The following DCC variants were observed in gnomAD, a reference collection of about 807,000 sequenced individuals.
DCC encodes the protein netrin receptor DCC.
Under a neutral mutation model 172.5 loss-of-function variants are expected in DCC, and 58 were observed. That is an observed-to-expected ratio of 0.34 (90% CI 0.27 to 0.42). The LOEUF (loss-of-function observed/expected upper bound fraction) is 0.42. DCC is among the 10% of genes least tolerant of loss of function. The probability of loss-of-function intolerance (pLI) is 1.00; values close to 1 mark genes in which losing one functional copy is unlikely to be tolerated. For synonymous variants in DCC, 709 were observed against 644.5 expected (o/e 1.10, Z -1.52); for missense variants, 1,740 against 1,791.0 (o/e 0.97, Z 0.51).
intron 21 of DCC, among the ~76,000 whole-genome samples, chr18:53,420,336 ACT>A (rs2145076408): frequency 6.6e-6 from 1 of 152,168 alleles, no homozygotes; most frequent in African/African-American, 2.4e-5. Flanking sequence ...AAGGGAAATA[ACT>A]CTCAATCTGA....
intron 3 of DCC, among the ~76,000 whole-genome samples, chr18:52,917,379 A>G (rs2040058419): frequency 1.3e-5 from 2 of 152,164 alleles, no homozygotes; most frequent in African/African-American, 4.8e-5. Flanking sequence ...GATTTTTAGT[A>G]TGGAATGTAT....
chr18:52,704,178 T>G, intron 1 of DCC, among the ~76,000 whole-genome samples: 1 of 152,016 alleles, frequency 6.6e-6, no homozygotes, highest in East Asian at 1.9e-4. Flanking sequence ...CACATAAAAC[T>G]TCCAACCTTT....
At chr18:53,286,424 A>T (rs1227397409) in intron 12 of DCC, among the ~76,000 whole-genome samples, 1 of 152,130 alleles carries the variant, frequency 6.6e-6, no homozygotes, top group East Asian at 1.9e-4. Context: ...CCATCATGAG[A>T]TATGTGCCTT....
chr18:53,077,556 A>G (rs983010228), intron 7 of DCC, among the ~76,000 whole-genome samples: 1 of 152,078 alleles, frequency 6.6e-6, no homozygotes, highest in Admixed American at 6.6e-5. Flanking sequence ...CTGACCTTAT[A>G]ACTTGGTGCA....
chr18:53,385,765 C>T (rs528299595), intron 15 of DCC, among the ~76,000 whole-genome samples: 19 of 152,154 alleles, frequency 1.2e-4, no homozygotes, highest in African/African-American at 2.4e-4. Context: ...TATTAGGGTT[C>T]GAGGGCACAC....
chr18:52,356,242 A>T (rs1961678), intron 1 of DCC, among the ~76,000 whole-genome samples: 7,109 of 152,226 alleles, frequency 0.047, 208 homozygotes, highest in Middle Eastern at 0.088. Context: ...GCCATCACAC[A>T]CTGCATTTTG....
At chr18:53,507,489 T>C (rs2046195361) in intron 27 of DCC, among the ~76,000 whole-genome samples, 1 of 152,220 alleles carries the variant, frequency 6.6e-6, no homozygotes, top group African/African-American at 2.4e-5. Context: ...AGGTGTCATG[T>C]TAAACATCTT....
chr18:53,410,691 T>A (rs2145055129), intron 20 of DCC, 45 bp downstream of exon 20: 1 of 1,233,040 alleles, frequency 8.1e-7, no homozygotes, highest in African/African-American at 1.5e-5. Context: ...TGTGGGATTG[T>A]TATAAAATAG....
chr18:52,706,984 G>A (rs552456075), intron 1 of DCC, among the ~76,000 whole-genome samples: 3 of 152,282 alleles, frequency 2.0e-5, no homozygotes, highest in East Asian at 1.9e-4. Flanking sequence ...AAATGATGCA[G>A]AGGGATGGAG....
intron 1 of DCC, among the ~76,000 whole-genome samples, chr18:52,671,584 G>T (rs77648446): frequency 1.5e-5 from 2 of 130,248 alleles, no homozygotes; most frequent in Non-Finnish European, 3.1e-5. Context: ...CACCCACCCC[G>T]GCTGGAGCAC....
At chr18:52,364,673 T>G (rs141175838) in intron 1 of DCC, among the ~76,000 whole-genome samples, 21 of 152,348 alleles carry the variant, frequency 1.4e-4, no homozygotes, top group African/African-American at 4.6e-4. Context: ...AAATTATTTT[T>G]GGATTAGTTA....
chr18:52,841,391 C>T (rs2038803700), intron 2 of DCC, among the ~76,000 whole-genome samples: 1 of 152,032 alleles, frequency 6.6e-6, no homozygotes, highest in Non-Finnish European at 1.5e-5. Context: ...AGACATTGAC[C>T]TTGAACTTGC....
intron 7 of DCC, among the ~76,000 whole-genome samples, chr18:53,079,292 T>C (rs1281911267): frequency 6.6e-6 from 1 of 152,004 alleles, no homozygotes; most frequent in African/African-American, 2.4e-5. Context: ...TGCTTTCTTG[T>C]TATACTTGAG....
intron 2 of DCC, among the ~76,000 whole-genome samples, chr18:52,855,585 T>G (rs544196649): frequency 6.6e-6 from 1 of 152,262 alleles, no homozygotes; most frequent in African/African-American, 2.4e-5. Context: ...GGCAAAATGC[T>G]CATGATCCAC....
chr18:53,027,449 T>C (rs1406301493), intron 5 of DCC, among the ~76,000 whole-genome samples: 3 of 152,156 alleles, frequency 2.0e-5, no homozygotes, highest in Admixed American at 2.0e-4. Context: ...GCTCTAAATG[T>C]CATTCGGAGA....
intron 14 of DCC, among the ~76,000 whole-genome samples, chr18:53,335,659 G>T (rs376586769): frequency 6.6e-6 from 1 of 152,244 alleles, no homozygotes; most frequent in South Asian, 2.1e-4. Context: ...ATAATCAAGA[G>T]TGGCAATTGA....
intron 5 of DCC, among the ~76,000 whole-genome samples, chr18:53,015,736 A>T (rs1021448819): frequency 6.6e-6 from 1 of 152,134 alleles, no homozygotes; most frequent in Non-Finnish European, 1.5e-5. Context: ...AACAAAACCT[A>T]AAAAATATTA....
chr18:53,144,305 C>A (rs375549042), intron 7 of DCC, among the ~76,000 whole-genome samples: 40 of 152,224 alleles, frequency 2.6e-4, no homozygotes, highest in African/African-American at 8.7e-4. Flanking sequence ...ACTCCCTTCC[C>A]ATTTCAATGG....
At chr18:52,512,927 A>G (rs1671254) in intron 1 of DCC, among the ~76,000 whole-genome samples, 36,889 of 151,988 alleles carry the variant, frequency 0.24, 4,620 homozygotes, top group African/African-American at 0.29. Flanking sequence ...AAATATTAGG[A>G]AGGACTGTGT....
Sources: gnomAD v4.1 joint callset for allele counts (sites outside exome capture counted in the v4.1 genomes callset) on GRCh38, gnomAD v4.1.1 for gene constraint, MANE v1.5 for transcripts, NCBI Gene and HGNC (gene_info 2026-07-23, HGNC 2026-07-21) for gene names.